Variants in BTBD3 observed in about 807,000 individuals in gnomAD.
BTBD3 encodes the protein BTB domain containing 3.
BTBD3 carries 14 observed loss-of-function variants against 41.6 expected under a neutral mutation model. The observed-to-expected ratio is 0.34, with a 90% CI of 0.22 to 0.53. The LOEUF (loss-of-function observed/expected upper bound fraction) is 0.53, where lower values mean the gene tolerates loss of function less well. Among genes scored for constraint, BTBD3 ranks in the 20% least tolerant of loss-of-function variants. The pLI, the probability that BTBD3 is intolerant of heterozygous loss-of-function variation, is 0.95. For synonymous variants in BTBD3, 249 were observed against 233.7 expected (o/e 1.07, Z -0.60); for missense variants, 426 against 654.7 (o/e 0.65, Z 3.81).
At chr20:11,908,830 G>C (rs1473177821) in intron 1 of BTBD3, among the ~76,000 whole-genome samples, 1 of 152,178 alleles carries the variant, frequency 6.6e-6, no homozygotes, top group African/African-American at 2.4e-5. Flanking sequence ...AATGGTGGTA[G>C]TTTGTGAATG....
intron 1 of BTBD3, among the ~76,000 whole-genome samples, chr20:11,905,397 C>G (rs1032617985): frequency 2.0e-5 from 3 of 152,098 alleles, no homozygotes. Context: ...GTGCATACTT[C>G]CCAATTTCAT....
chr20:11,918,816 C>A, intron 1 of BTBD3: 1 of 594,146 alleles, frequency 1.7e-6, no homozygotes, highest in Non-Finnish European at 2.8e-6. Flanking sequence ...ATTCAAGTGA[C>A]AGGGTTGTCT....
At chr20:11,921,656 CA>C (rs1489063298) in intron 3 of BTBD3, 1 of 152,160 alleles carries the variant, frequency 6.6e-6, no homozygotes, top group East Asian at 1.9e-4. Context: ...TTCCTGTGAG[CA>C]AAAAGGCAGG....
chr20:11,905,883 C>T (rs2056850330), intron 1 of BTBD3, among the ~76,000 whole-genome samples: 1 of 152,194 alleles, frequency 6.6e-6, no homozygotes. Context: ...GATTTGGTCA[C>T]TTGTTCTACT....
Position 11,890,847 on chromosome 20 carries a change from A to C in BTBD3, c.-233A>C, listed in dbSNP as rs949190775. 2.5e-5 allele frequency: 25 copies of C among 984,984 alleles called. No individual in the cohort carries two copies. In the African/African-American group the frequency reaches 4.4e-4, roughly 17 times the overall value. 61.0% of individuals were successfully genotyped at this position (984,984 alleles called of 1,614,324 possible). A position where few individuals can be genotyped will look rare whatever the true frequency, so the allele number is the denominator to read the frequency against. On this transcript the variant is annotated 5_prime_UTR_variant, in exon 1 of 5. Transcript: ENST00000254977. ...GTGCCCTGCGTGCGGGTGCCCGCCG[A>C]GCCCGCCGGGCGCTGGATCTCCGAG... is the stretch of plus-strand genomic sequence containing the variant.
At chr20:11,910,971 G>T (rs1164289425) in intron 1 of BTBD3, among the ~76,000 whole-genome samples, 3 of 152,264 alleles carry the variant, frequency 2.0e-5, no homozygotes, top group Admixed American at 2.0e-4. Context: ...TTATTCTAAT[G>T]TAGTTCAGCC....
At chr20:11,899,077 T>C (rs1263591500) in intron 1 of BTBD3, among the ~76,000 whole-genome samples, 1 of 152,158 alleles carries the variant, frequency 6.6e-6, no homozygotes, top group Non-Finnish European at 1.5e-5. Flanking sequence ...AGTCTGCAAA[T>C]ATTTGTCCCT....
Position 11,923,706 on chromosome 20 carries a change from A to G in BTBD3, c.*40A>G, listed in dbSNP as rs563583438. ...AAGCAGCTTGAGCTCCAAAGTGCAC[A>G]TCTGGTTCCAACTTGCCTGATGCTT... On this transcript the variant is annotated 3_prime_UTR_variant, in exon 4 of 4. Transcript: ENST00000378226. This position sits in a 1 kb window ranked among gnomAD's most constrained non-coding sequence, Gnocchi z 5.3. 5.2e-6 allele frequency: 8 copies of G among 1,541,960 alleles called. No individual in the cohort carries two copies. In the South Asian group the frequency reaches 8.8e-5, roughly 17 times the overall value.
intron 1 of BTBD3, among the ~76,000 whole-genome samples, chr20:11,908,408 T>G (rs2056869700): frequency 6.6e-6 from 1 of 151,302 alleles, no homozygotes; most frequent in Non-Finnish European, 1.5e-5. Flanking sequence ...TTTTAATCTG[T>G]TTATTATGGT....
chr20:11,903,515 C>A (rs548261663), intron 1 of BTBD3, among the ~76,000 whole-genome samples: 2 of 152,284 alleles, frequency 1.3e-5, no homozygotes, highest in East Asian at 3.9e-4. Flanking sequence ...TATGATTTTG[C>A]ACCCTAAATT....
At position 11,917,963 on chromosome 20, in the gene BTBD3, G is replaced by T. The variant is rs2056930100; in HGVS notation, c.-313G>T. 9.5e-7 allele frequency: 1 copy of T among 1,054,486 alleles called. No homozygotes were observed. The highest frequency in any genetic ancestry group is 1.1e-6 in the Non-Finnish European group (1 of 873,596). The allele number at this position is 1,054,486 out of a possible 1,614,324, so 65.3% of individuals were successfully genotyped here. A position where few individuals can be genotyped will look rare whatever the true frequency, so the allele number is the denominator to read the frequency against. On this transcript the variant is annotated 5_prime_UTR_variant, in exon 1 of 4. Transcript: ENST00000378226. ...CATCTTGCTGACCTAATTCAGAAAA[G>T]AAGTGCTACAGCTCTGTGCCTGTCA... is the stretch of plus-strand genomic sequence containing the variant.
Position 11,911,830 on chromosome 20 carries a change from A to G in BTBD3, c.-125-6504A>G, listed in dbSNP as rs191900726. On this transcript the variant is annotated intron_variant, in intron 1 of 4. Coordinates refer to the BTBD3 transcript ENST00000254977. ...ATATACCCCTTTTCAAGATCACTTA[A>G]TGTATGGAAGAGAATAATTTGGGAT... Among the ~76,000 whole-genome samples, 56 of 152,308 alleles carry G rather than the reference A, an allele frequency of 3.7e-4. No homozygotes were observed. The East Asian group carries it at 9.5e-3, about 26-fold the overall frequency.
chr20:11,919,670 A>G (rs888271479), intron 2 of BTBD3, 48 bp from the exon 3 acceptor site: 1 of 1,552,544 alleles, frequency 6.4e-7, no homozygotes, highest in South Asian at 1.1e-5. Flanking sequence ...GATTTGCTGG[A>G]AATGCCTTCA....
In BTBD3 at chr20:11,925,797, G is replaced by C. The variant is rs908736102; in HGVS notation, c.*2131G>C. On this transcript the variant is annotated 3_prime_UTR_variant, in exon 4 of 4. Coordinates refer to ENST00000378226, the MANE Select transcript of BTBD3 (RefSeq NM_014962.4). ...GTGTGATAGTCTTCAGGTGCAGTGCGTTCATTCACTAACGCTCACTGTCAG... is the reference window on the plus strand; with the variant it reads ...GTGTGATAGTCTTCAGGTGCAGTGCCTTCATTCACTAACGCTCACTGTCAG... 1.3e-5 allele frequency: 2 copies of C among 152,544 alleles called. No individual in the cohort carries two copies. Among genetic ancestry groups the C allele is most frequent in the East Asian group, 3.9e-4 (2 of 5,188 alleles). The allele number at this position is 152,544 out of a possible 1,614,324, so 9.4% of individuals were successfully genotyped here.
chr20:11,900,176 A>G (rs2122192101), intron 1 of BTBD3, among the ~76,000 whole-genome samples: 1 of 152,358 alleles, frequency 6.6e-6, no homozygotes. Context: ...CTACCTGATA[A>G]ATTTCCCTTG....
chr20:11,893,102 C>CTAA (rs2122151629), intron 1 of BTBD3, among the ~76,000 whole-genome samples: 1 of 152,034 alleles, frequency 6.6e-6, no homozygotes, highest in East Asian at 1.9e-4. Context: ...CTATAGACAT[C>CTAA]TAATTCCATT....
At chr20:11,904,223 G>C (rs370269689) in intron 1 of BTBD3, among the ~76,000 whole-genome samples, 1 of 152,178 alleles carries the variant, frequency 6.6e-6, no homozygotes, top group African/African-American at 2.4e-5. Flanking sequence ...ATGGCTGGGG[G>C]TGGTGCTCAG....
At chr20:11,906,230 C>T (rs893522000) in intron 1 of BTBD3, among the ~76,000 whole-genome samples, 13 of 118,444 alleles carry the variant, frequency 1.1e-4, no homozygotes, top group Non-Finnish European at 2.0e-4. Context: ...CTACTGATAC[C>T]ATAATTTCCA....
At chr20:11,903,715 T>G (rs1024406876) in intron 1 of BTBD3, among the ~76,000 whole-genome samples, 6 of 152,144 alleles carry the variant, frequency 3.9e-5, no homozygotes, top group Non-Finnish European at 8.8e-5. Flanking sequence ...CAAGTGATTC[T>G]TCTGCTTCAG....
Sources: gnomAD v4.1 joint callset for allele counts (sites outside exome capture counted in the v4.1 genomes callset) on GRCh38, gnomAD v4.1.1 for gene constraint, Gnocchi (gnomAD v3.1) non-coding constraint, MANE v1.5 for transcripts, NCBI Gene and HGNC (gene_info 2026-07-23, HGNC 2026-07-21) for gene names.